The following NIPSNAP2 variants were observed in gnomAD, a reference collection of about 807,000 sequenced individuals.
NIPSNAP2 encodes protein NipSnap homolog 2.
A neutral mutation model predicts 48.4 loss-of-function variants in NIPSNAP2; 42 were observed. That is an observed-to-expected ratio of 0.87 (90% CI 0.68 to 1.12). NIPSNAP2 has a LOEUF of 1.12. Ranked by LOEUF, NIPSNAP2 falls within the 50% of genes most tolerant of loss-of-function variation. The probability of loss-of-function intolerance (pLI) is 0.00; values close to 1 mark genes in which losing one functional copy is unlikely to be tolerated. For missense variants in NIPSNAP2, 314 were observed against 347.3 expected (o/e 0.90, Z 0.76); for synonymous variants, 158 against 126.6 (o/e 1.25, Z -1.67).
chr7:55,992,973 TA>T (rs1211348869), intron 7 of NIPSNAP2, among the ~76,000 whole-genome samples: 6 of 151,878 alleles, frequency 4.0e-5, no homozygotes, highest in African/African-American at 7.2e-5. Context: ...CATCACTAAA[TA>T]TTTTTTTTTT....
At chr7:55,977,419 T>G (rs1288027056) in intron 1 of NIPSNAP2, among the ~76,000 whole-genome samples, 1 of 152,168 alleles carries the variant, frequency 6.6e-6, no homozygotes, top group African/African-American at 2.4e-5. Flanking sequence ...ATTTTTAAGT[T>G]ACTTGAGGGG....
Position 55,966,361 on chromosome 7 carries a change from C to T in NIPSNAP2, c.92+1660C>T, listed in dbSNP as rs563303561. Among the ~76,000 whole-genome samples the T allele has an allele frequency of 2.9e-4, 44 of 152,152 alleles. 1 individual carries two copies. The highest frequency in any genetic ancestry group is 5.6e-4 in the Non-Finnish European group (38 of 68,024). On this transcript the variant is annotated intron_variant, in intron 1 of 9. Coordinates refer to ENST00000322090, the MANE Select transcript of NIPSNAP2 (RefSeq NM_001483.3). ...GTGACTCACACTTGTAATCCCTGCA[C>T]TTTGGAAGGTTGCGGCAGGAGGATT...
chr7:55,983,035 A>G (rs571596576), intron 5 of NIPSNAP2, among the ~76,000 whole-genome samples: 68 of 152,130 alleles, frequency 4.5e-4, no homozygotes, highest in Admixed American at 7.2e-4. Context: ...AGGCACGAGA[A>G]TTGCTTGAAC....
intron 7 of NIPSNAP2, among the ~76,000 whole-genome samples, chr7:55,991,273 A>G (rs34795560): frequency 0.21 from 32,041 of 152,074 alleles, 3,691 homozygotes; most frequent in East Asian, 0.34. Flanking sequence ...TAAGAAATAC[A>G]TATTTGGTTG....
intron 1 of NIPSNAP2, among the ~76,000 whole-genome samples, chr7:55,972,612 A>G (rs1384685153): frequency 6.6e-6 from 1 of 151,690 alleles, no homozygotes; most frequent in Non-Finnish European, 1.5e-5. Flanking sequence ...TTATATTTTT[A>G]GTAGAGACGG....
chr7:55,974,974 T>G (rs928728105), intron 1 of NIPSNAP2, among the ~76,000 whole-genome samples: 1 of 152,008 alleles, frequency 6.6e-6, no homozygotes, highest in Non-Finnish European at 1.5e-5. Flanking sequence ...GCACTAAGAT[T>G]CTGGACATTT....
At chr7:55,981,290 G>A (rs941752942) in intron 3 of NIPSNAP2, 183 bp from the exon 4 acceptor site, 1 of 477,932 alleles carries the variant, frequency 2.1e-6, no homozygotes, top group South Asian at 3.0e-5. Flanking sequence ...TGATCAGCAG[G>A]GTGTTGGAAT....
chr7:55,994,450 C>T (rs754536760), intron 7 of NIPSNAP2, among the ~76,000 whole-genome samples: 3 of 152,190 alleles, frequency 2.0e-5, no homozygotes, highest in African/African-American at 7.2e-5. Flanking sequence ...TGGTGGCTCA[C>T]GCCTATAATC....
chr7:55,987,736 T>C (rs1230225611), intron 7 of NIPSNAP2, among the ~76,000 whole-genome samples: 1 of 152,172 alleles, frequency 6.6e-6, no homozygotes, highest in African/African-American at 2.4e-5. Context: ...ATTCTCCTTA[T>C]GTGAAGTATC....
intron 6 of NIPSNAP2, among the ~76,000 whole-genome samples, chr7:55,984,574 C>G (rs1170037630): frequency 6.6e-6 from 1 of 151,888 alleles, no homozygotes; most frequent in Non-Finnish European, 1.5e-5. Context: ...AAAAAATTAG[C>G]CAGGCATGGT....
chr7:55,998,920 G>C, intron 9 of NIPSNAP2, 88 bp from the exon 10 acceptor site: 1 of 1,093,472 alleles, frequency 9.1e-7, no homozygotes, highest in East Asian at 2.4e-5. Flanking sequence ...GCACATCTGT[G>C]AACATTCTCG....
intron 8 of NIPSNAP2, among the ~76,000 whole-genome samples, chr7:55,996,301 A>G (rs1787562781): frequency 6.6e-6 from 1 of 151,138 alleles, no homozygotes; most frequent in East Asian, 1.9e-4. Context: ...AAAAAAAAAA[A>G]GAAAAGAAAC....
chr7:55,994,774 G>T, intron 7 of NIPSNAP2, 120 bp from the exon 8 acceptor site: 1 of 771,440 alleles, frequency 1.3e-6, no homozygotes, highest in South Asian at 1.5e-5. Flanking sequence ...ATACCAGTTT[G>T]ATAAACCATT....
At chr7:55,984,959 A>C (rs1319963339) in intron 7 of NIPSNAP2, 81 bp downstream of exon 7, 4 of 1,108,038 alleles carry the variant, frequency 3.6e-6, no homozygotes, top group Non-Finnish European at 5.4e-6. Context: ...TAGGGAAAAA[A>C]ATCTGAGGAT....
At chr7:55,990,458 C>G (rs1411386595) in intron 7 of NIPSNAP2, among the ~76,000 whole-genome samples, 4 of 152,150 alleles carry the variant, frequency 2.6e-5, no homozygotes, top group African/African-American at 9.6e-5. Flanking sequence ...GCCTCGATCT[C>G]CTGACCTCAT....
At chr7:55,969,976 C>G (rs1786985543) in intron 1 of NIPSNAP2, among the ~76,000 whole-genome samples, 1 of 137,288 alleles carries the variant, frequency 7.3e-6, no homozygotes, top group Non-Finnish European at 1.5e-5. Flanking sequence ...GAGCGAGACT[C>G]TGTCTCAAAA....
Position 55,999,086 on chromosome 7 carries a change from C to T in NIPSNAP2, c.*14C>T. 6.3e-7 allele frequency: 1 copy of T among 1,590,882 alleles called. No homozygotes were observed. Among genetic ancestry groups the T allele is most frequent in the Non-Finnish European group, 8.6e-7 (1 of 1,159,604 alleles). ...CCCCTCCAGTAAAGCTGTAGAGTTT[C>T]TATGTGCCTACATACATTTCTGTGA... is the stretch of plus-strand genomic sequence containing the variant. On this transcript the variant is annotated 3_prime_UTR_variant, in exon 10 of 10. Coordinates refer to ENST00000322090, the MANE Select transcript of NIPSNAP2 (RefSeq NM_001483.3).
intron 7 of NIPSNAP2, among the ~76,000 whole-genome samples, chr7:55,994,207 C>G (rs1453488991): frequency 6.6e-6 from 1 of 152,178 alleles, no homozygotes. Context: ...AGGTTTGCCT[C>G]GCTTCCCCTC....
At chr7:55,971,992 T>C (rs1254707049) in intron 1 of NIPSNAP2, among the ~76,000 whole-genome samples, 2 of 152,158 alleles carry the variant, frequency 1.3e-5, no homozygotes, top group Non-Finnish European at 2.9e-5. Context: ...TTCTGTTTAA[T>C]GAACTTAAAA....
Sources: allele counts gnomAD v4.1 joint callset (sites outside exome capture counted in the v4.1 genomes callset), GRCh38; gene constraint gnomAD v4.1.1; transcripts MANE v1.5; gene names NCBI Gene and HGNC (gene_info 2026-07-23, HGNC 2026-07-21).